SMCHD1: variants seen among roughly 807,000 people sequenced by gnomAD.
SMCHD1 encodes the protein structural maintenance of chromosomes flexible hinge domain-containing protein 1.
Under a neutral mutation model 254.7 loss-of-function variants are expected in SMCHD1, and 78 were observed. That is an observed-to-expected ratio of 0.31 (90% confidence interval 0.26 to 0.37). The LOEUF (loss-of-function observed/expected upper bound fraction) is 0.37. Among genes scored for constraint, SMCHD1 ranks in the 10% least tolerant of loss-of-function variants. SMCHD1 has a pLI of 1.00. For missense variants in SMCHD1, 1,840 were observed against 2,408.1 expected (o/e 0.76, Z 4.94); for synonymous variants, 766 against 794.9 (o/e 0.96, Z 0.61).
chr18:2,669,584 C>T (rs904181897), intron 3 of SMCHD1, among the ~76,000 whole-genome samples: 8 of 152,172 alleles, frequency 5.3e-5, no homozygotes, highest in Admixed American at 2.6e-4. Context: ...TTGTATCTTA[C>T]TTCCTCACTT....
At chr18:2,673,154 G>A (rs184887515) in intron 3 of SMCHD1, 127 bp from the exon 4 acceptor site, 1 of 1,334,464 alleles carries the variant, frequency 7.5e-7, no homozygotes, top group Non-Finnish European at 9.7e-7. Context: ...TATATCATTA[G>A]GATCAGGATA....
At chr18:2,792,209 A>G (rs1213935647) in intron 45 of SMCHD1, among the ~76,000 whole-genome samples, 1 of 152,234 alleles carries the variant, frequency 6.6e-6, no homozygotes, top group Non-Finnish European at 1.5e-5. Context: ...GATTGTATGT[A>G]AGACAGTGGT....
chr18:2,773,327 G>A, intron 41 of SMCHD1, among the ~76,000 whole-genome samples: 1 of 151,928 alleles, frequency 6.6e-6, no homozygotes, highest in East Asian at 1.9e-4. Context: ...TAAATATATG[G>A]CTTCCACATT....
chr18:2,725,359 A>G (rs1296780654), intron 21 of SMCHD1, among the ~76,000 whole-genome samples: 3 of 151,772 alleles, frequency 2.0e-5, no homozygotes, highest in Non-Finnish European at 2.9e-5. Context: ...TTTTCTTAGA[A>G]CAAAAATGAC....
chr18:2,760,757 A>G lies in SMCHD1; in HGVS notation c.4434+18A>G, dbSNP rs374523905. ...GTGAACAGGTTTGCTTACTTTTTTT[A>G]TATACCACAGTTAGCTTTACATTTT... On this transcript the variant is annotated intron_variant, in intron 35 of 47. Coordinates refer to ENST00000320876, the MANE Select transcript of SMCHD1 (RefSeq NM_015295.3). 23 of 1,435,312 alleles carry G rather than the reference A, an allele frequency of 1.6e-5. No individual in the cohort carries two copies. Among genetic ancestry groups the G allele is most frequent in the Admixed American group, 1.4e-4 (8 of 57,522 alleles). 88.9% of individuals were successfully genotyped at this position (1,435,312 alleles called of 1,614,324 possible).
intron 30 of SMCHD1, among the ~76,000 whole-genome samples, chr18:2,748,382 GTA>G (rs1348771758): frequency 0.036 from 1,150 of 32,180 alleles, 79 homozygotes; most frequent in South Asian, 0.11. Flanking sequence ...GTGTGTGTGT[GTA>G]TATAAATTTT....
chr18:2,726,710 A>G (rs1261551983), intron 22 of SMCHD1, 186 bp downstream of exon 22: 1 of 298,492 alleles, frequency 3.4e-6, no homozygotes, highest in African/African-American at 2.2e-5. Context: ...GGAAGATGTT[A>G]TTGACATTCT....
At chr18:2,781,783 C>G (rs1476620015) in intron 44 of SMCHD1, among the ~76,000 whole-genome samples, 2 of 151,550 alleles carry the variant, frequency 1.3e-5, no homozygotes, top group Non-Finnish European at 2.9e-5. Flanking sequence ...AAAAGAGGGT[C>G]AGAAAAAAAT....
At chr18:2,668,386 T>C (rs896536124) in intron 3 of SMCHD1, among the ~76,000 whole-genome samples, 1 of 152,228 alleles carries the variant, frequency 6.6e-6, no homozygotes. Context: ...GTGTGGTAGC[T>C]AATGTTAGGA....
intron 1 of SMCHD1, among the ~76,000 whole-genome samples, chr18:2,661,275 C>T (rs778823328): frequency 6.6e-6 from 1 of 151,736 alleles, no homozygotes; most frequent in Non-Finnish European, 1.5e-5. Context: ...TGGCAAACCA[C>T]CATGGCACAT....
intron 3 of SMCHD1, among the ~76,000 whole-genome samples, chr18:2,668,594 A>G (rs1598286031): frequency 1.3e-5 from 2 of 152,302 alleles, no homozygotes; most frequent in South Asian, 4.2e-4. Flanking sequence ...TCCCATCTTA[A>G]AAACACTAAA....
At chr18:2,687,068 T>G (rs528141889) in intron 5 of SMCHD1, among the ~76,000 whole-genome samples, 1 of 152,286 alleles carries the variant, frequency 6.6e-6, no homozygotes, top group East Asian at 1.9e-4. Context: ...ATTTAAAATA[T>G]TTTCCTTCCC....
chr18:2,660,268 C>A (rs888290200), intron 1 of SMCHD1, among the ~76,000 whole-genome samples: 1 of 151,914 alleles, frequency 6.6e-6, no homozygotes, highest in Non-Finnish European at 1.5e-5. Flanking sequence ...GAAGTTGCAG[C>A]GAGCTGAGAA....
chr18:2,681,188 G>A (rs1293173017), intron 5 of SMCHD1, among the ~76,000 whole-genome samples: 3 of 152,044 alleles, frequency 2.0e-5, no homozygotes, highest in African/African-American at 4.8e-5. Flanking sequence ...TGAGGTGGGC[G>A]GATCACCTGA....
At chr18:2,795,434 A>G (rs571718134) in intron 45 of SMCHD1, among the ~76,000 whole-genome samples, 2 of 152,376 alleles carry the variant, frequency 1.3e-5, no homozygotes, top group African/African-American at 4.8e-5. Flanking sequence ...TACAAAAAAT[A>G]AGAACAATTA....
At chr18:2,767,955 A>G (rs2075900134) in intron 37 of SMCHD1, among the ~76,000 whole-genome samples, 1 of 152,136 alleles carries the variant, frequency 6.6e-6, no homozygotes, top group Non-Finnish European at 1.5e-5. Flanking sequence ...ACTGTAGGTA[A>G]TTTTAACATA....
At position 2,688,766 on chromosome 18, in the gene SMCHD1, CATAATT is replaced by C. The variant is rs961763657; in HGVS notation, c.873+24_873+29del. On this transcript the variant is annotated intron_variant, in intron 7 of 47. Transcript: ENST00000320876. ...CAGAAAGGTACAATACATTTTAACT[CATAATT>C]ATAAATTTACTCCTTTGGATAGACG... The C allele has an allele frequency of 1.5e-5, 19 of 1,248,784 alleles. No homozygotes were observed. Among genetic ancestry groups the C allele is most frequent in the Middle Eastern group, 2.0e-4 (1 of 4,924 alleles). 77.4% of individuals were successfully genotyped at this position (1,248,784 alleles called of 1,614,324 possible).
At chr18:2,740,478 T>G (rs1029641849) in intron 27 of SMCHD1, among the ~76,000 whole-genome samples, 1 of 152,162 alleles carries the variant, frequency 6.6e-6, no homozygotes, top group African/African-American at 2.4e-5. Context: ...AAAATCTGAT[T>G]AACATTAGCA....
At chr18:2,798,642 A>G (rs1316726861) in intron 47 of SMCHD1, among the ~76,000 whole-genome samples, 10 of 152,222 alleles carry the variant, frequency 6.6e-5, no homozygotes, top group Admixed American at 6.5e-4. Context: ...TCTGGGATAT[A>G]CTCTAAAATA....
Sources: gnomAD v4.1 joint callset for allele counts (sites outside exome capture counted in the v4.1 genomes callset) on GRCh38, gnomAD v4.1.1 for gene constraint, MANE v1.5 for transcripts, NCBI Gene and HGNC (gene_info 2026-07-23, HGNC 2026-07-21) for gene names.